Variants in CAMK1D observed in about 807,000 individuals in gnomAD.
The protein encoded by CAMK1D is calcium/calmodulin-dependent protein kinase type 1D.
A neutral mutation model predicts 47.7 loss-of-function variants in CAMK1D; 9 were observed. The ratio of observed to expected loss-of-function variants is 0.19; its 90% CI spans 0.11 to 0.33. CAMK1D has a LOEUF of 0.33. Ranked by LOEUF, CAMK1D falls within the 10% of genes least tolerant of loss-of-function variation. The pLI is 1.00. For missense variants in CAMK1D, 291 were observed against 488.7 expected (o/e 0.60, Z 3.81); for synonymous variants, 184 against 184.9 (o/e 0.99, Z 0.04).
chr10:12,643,409 A>T (rs143065260), intron 2 of CAMK1D, among the ~76,000 whole-genome samples: 143 of 152,326 alleles, frequency 9.4e-4, no homozygotes, highest in Middle Eastern at 3.4e-3. Context: ...GCTGCACAGC[A>T]GGAGACGAGC....
At chr10:12,552,208 G>T (rs1222135128) in intron 1 of CAMK1D, among the ~76,000 whole-genome samples, 12 of 152,240 alleles carry the variant, frequency 7.9e-5, no homozygotes, top group African/African-American at 2.9e-4. Context: ...GGGCTCTCCA[G>T]CCCCAGATGT....
intron 3 of CAMK1D, among the ~76,000 whole-genome samples, chr10:12,729,250 C>T (rs1834785393): frequency 6.6e-6 from 1 of 152,138 alleles, no homozygotes; most frequent in Admixed American, 6.5e-5. Flanking sequence ...ATAAGATCTC[C>T]ACCTCCATGG....
intron 3 of CAMK1D, among the ~76,000 whole-genome samples, chr10:12,671,329 C>T (rs557088335): frequency 4.3e-4 from 65 of 150,746 alleles, no homozygotes; most frequent in Middle Eastern, 3.5e-3. Context: ...GTGAAATTGC[C>T]GGGTCGAATG....
intron 6 of CAMK1D, among the ~76,000 whole-genome samples, chr10:12,799,476 G>T (rs1259741555): frequency 5.9e-5 from 9 of 152,164 alleles, no homozygotes. Context: ...GAGGAAGGAA[G>T]AACCTAACCA....
At chr10:12,524,445 C>T (rs1203636249) in intron 1 of CAMK1D, among the ~76,000 whole-genome samples, 1 of 152,214 alleles carries the variant, frequency 6.6e-6, no homozygotes, top group Non-Finnish European at 1.5e-5. Flanking sequence ...CGGTGGCGCA[C>T]GCCTGTAATC....
chr10:12,499,233 G>A (rs776467543), intron 1 of CAMK1D, among the ~76,000 whole-genome samples: 24 of 152,100 alleles, frequency 1.6e-4, no homozygotes, highest in Non-Finnish European at 2.2e-4. Flanking sequence ...ACCAATCTCA[G>A]TACTCAGAGG....
chr10:12,577,817 C>G (rs1473034393), intron 2 of CAMK1D, among the ~76,000 whole-genome samples: 1 of 152,224 alleles, frequency 6.6e-6, no homozygotes, highest in Non-Finnish European at 1.5e-5. Context: ...CATTTTCCTC[C>G]TTCCCCACCC....
In CAMK1D at chr10:12,489,496, T is replaced by C. The variant is rs537368878; in HGVS notation, c.93-63729T>C. ...GTCATTTGTGCTTCCATAAGGATCA[T>C]TTTAATCAAGCGGTAGGGAAGCAGC... On this transcript the variant is annotated intron_variant, in intron 1 of 10. Transcript: ENST00000619168. Among the ~76,000 whole-genome samples, 49 of 152,322 alleles carry C rather than the reference T, an allele frequency of 3.2e-4. No homozygotes were observed. In the South Asian group the frequency reaches 7.0e-3, roughly 22 times the overall value.
chr10:12,354,163 C>T (rs1837429560), intron 1 of CAMK1D, among the ~76,000 whole-genome samples: 1 of 152,150 alleles, frequency 6.6e-6, no homozygotes, highest in African/African-American at 2.4e-5. Context: ...AATGGATCTT[C>T]ATCTCCGCGG....
At chr10:12,524,175 C>T (rs1302162301) in intron 1 of CAMK1D, among the ~76,000 whole-genome samples, 1 of 151,536 alleles carries the variant, frequency 6.6e-6, no homozygotes, top group Non-Finnish European at 1.5e-5. Context: ...CGTTGTTAGC[C>T]AGGATGGTCT....
chr10:12,490,305 C>T (rs1834343518), intron 1 of CAMK1D, among the ~76,000 whole-genome samples: 1 of 152,130 alleles, frequency 6.6e-6, no homozygotes, highest in South Asian at 2.1e-4. Flanking sequence ...TTAAAGCTGG[C>T]TGCTTGCAGG....
chr10:12,500,709 C>T (rs1399721449), intron 1 of CAMK1D, among the ~76,000 whole-genome samples: 1 of 152,220 alleles, frequency 6.6e-6, no homozygotes, highest in East Asian at 1.9e-4. Flanking sequence ...GGGCATTCTG[C>T]CAATTTGTCC....
At chr10:12,500,287 A>G (rs929860552) in intron 1 of CAMK1D, among the ~76,000 whole-genome samples, 6 of 152,144 alleles carry the variant, frequency 3.9e-5, no homozygotes, top group Admixed American at 2.0e-4. Flanking sequence ...AACAAAAACA[A>G]AAACAAAACC....
chr10:12,572,688 G>A (rs751803073), intron 2 of CAMK1D, among the ~76,000 whole-genome samples: 2 of 152,096 alleles, frequency 1.3e-5, no homozygotes, highest in African/African-American at 4.8e-5. Context: ...CTGGAGTGCA[G>A]GGGCGAGATC....
intron 2 of CAMK1D, among the ~76,000 whole-genome samples, chr10:12,616,646 T>A (rs1043786648): frequency 1.3e-5 from 2 of 151,872 alleles, no homozygotes; most frequent in Non-Finnish European, 2.9e-5. Flanking sequence ...GCCTCCCGAG[T>A]AGCTGGGACT....
chr10:12,425,727 A>C (rs1840208965), intron 1 of CAMK1D, among the ~76,000 whole-genome samples: 2 of 152,182 alleles, frequency 1.3e-5, no homozygotes, highest in Admixed American at 1.3e-4. Flanking sequence ...CAGCTCGCTG[A>C]GGTTAGTTGA....
chr10:12,557,267 T>G (rs1294205633), intron 2 of CAMK1D, among the ~76,000 whole-genome samples: 1 of 152,160 alleles, frequency 6.6e-6, no homozygotes, highest in Non-Finnish European at 1.5e-5. Flanking sequence ...AAAAAAGTCC[T>G]GGCCGGGTGC....
At chr10:12,735,883 C>G (rs1835165700) in intron 3 of CAMK1D, among the ~76,000 whole-genome samples, 1 of 151,964 alleles carries the variant, frequency 6.6e-6, no homozygotes, top group African/African-American at 2.4e-5. Context: ...TGGCACCACA[C>G]TCAGATTGCA....
chr10:12,409,743 T>C (rs1839589506), intron 1 of CAMK1D, among the ~76,000 whole-genome samples: 1 of 152,250 alleles, frequency 6.6e-6, no homozygotes, highest in Admixed American at 6.5e-5. Flanking sequence ...TTTTTACTTG[T>C]AGAGTTCAGT....
Sources: gnomAD v4.1 joint callset for allele counts (sites outside exome capture counted in the v4.1 genomes callset) on GRCh38, gnomAD v4.1.1 for gene constraint, MANE v1.5 for transcripts, NCBI Gene and HGNC (gene_info 2026-07-23, HGNC 2026-07-21) for gene names.